CAPN5: variants seen among roughly 807,000 people sequenced by gnomAD.
CAPN5 encodes the protein calpain 5.
In CAPN5, 54 loss-of-function variants were observed where a neutral mutation model predicts 73.0. The observed-to-expected ratio is 0.74, with a 90% CI of 0.59 to 0.93. CAPN5 has a LOEUF of 0.93. CAPN5 is among the 40% of genes least tolerant of loss of function. CAPN5 has a pLI of 0.00. For synonymous variants in CAPN5, 335 were observed against 356.9 expected, an observed-to-expected ratio of 0.94 and a Z score of 0.69; for missense variants, 785 against 882.9, an observed-to-expected ratio of 0.89 and a Z score of 1.41.
intron 3 of CAPN5, among the ~76,000 whole-genome samples, chr11:77,109,707 G>GT (rs1555040465): frequency 6.6e-6 from 1 of 152,210 alleles, no homozygotes; most frequent in African/African-American, 2.4e-5. Flanking sequence ...AGCAGCTGAG[G>GT]GGTGAGAAGG....
intron 1 of CAPN5, among the ~76,000 whole-genome samples, chr11:77,073,983 G>A (rs1555033565): frequency 6.6e-6 from 1 of 152,208 alleles, no homozygotes; most frequent in Admixed American, 6.5e-5. Context: ...TCAGCACACA[G>A]TGCGTCAGAG....
chr11:77,118,015 G>A (rs1190255941), intron 7 of CAPN5, 142 bp from the exon 8 acceptor site: 6 of 676,610 alleles, frequency 8.9e-6, no homozygotes, highest in Non-Finnish European at 1.5e-5. Flanking sequence ...CTGTGCCCTT[G>A]TGTGGGCTTA....
intron 3 of CAPN5, among the ~76,000 whole-genome samples, chr11:77,099,537 G>C (rs1313172108): frequency 6.6e-6 from 1 of 151,548 alleles, no homozygotes; most frequent in African/African-American, 2.4e-5. Flanking sequence ...AGACCGGCCC[G>C]GCCAACACAG....
chr11:77,077,004 T>G (rs1243038973), intron 1 of CAPN5, among the ~76,000 whole-genome samples: 1 of 152,258 alleles, frequency 6.6e-6, no homozygotes, highest in Non-Finnish European at 1.5e-5. Context: ...GGGTTTCCTT[T>G]TCTCCATATC....
At chr11:77,121,008 C>T in intron 10 of CAPN5, 99 bp downstream of exon 10, 2 of 1,110,158 alleles carry the variant, frequency 1.8e-6, no homozygotes, top group Non-Finnish European at 1.3e-6. Context: ...TGTCTCTGGG[C>T]CTCCAGCCAC....
At position 77,112,768 on chromosome 11, in the gene CAPN5, G is replaced by A; in HGVS notation, c.477G>A (p.Trp159Ter). 6.2e-7 allele frequency: 1 copy of A among 1,614,234 alleles called. No homozygotes were observed. The highest frequency in any genetic ancestry group is 8.5e-7 in the Non-Finnish European group (1 of 1,180,042). The change falls in exon 4 of 13, where the codon TGG becomes TGA. Residue 159 changes from tryptophan (W) to a stop codon, truncating the protein, a stop_gained. Coordinates refer to ENST00000648180, the MANE Select transcript of CAPN5 (RefSeq NM_004055.5). LOFTEE classifies it high-confidence loss of function. The stretch of plus-strand genomic sequence containing the variant: ...ACTCCAACTCCCGCAATGAGTTTTG[G>A]TGCGCCCTAGTGGAGAAGGCCTATG... ...YCHSNSRNEF[W>*]CALVEKAYAK...
At chr11:77,103,246 G>T (rs369572640) in intron 3 of CAPN5, 8 of 1,613,546 alleles carry the variant, frequency 5.0e-6, no homozygotes, top group Admixed American at 1.7e-5. Flanking sequence ...GCCAAGATCC[G>T]CAAGGTCATG....
At chr11:77,093,058 C>G (rs990090134) in intron 2 of CAPN5, among the ~76,000 whole-genome samples, 1 of 152,262 alleles carries the variant, frequency 6.6e-6, no homozygotes, top group Non-Finnish European at 1.5e-5. Context: ...TGACAAGTCA[C>G]AGTCCATCTC....
At chr11:77,078,617 G>A (rs1489585084) in intron 1 of CAPN5, among the ~76,000 whole-genome samples, 1 of 152,248 alleles carries the variant, frequency 6.6e-6, no homozygotes, top group South Asian at 2.1e-4. Context: ...TTGGAATTTT[G>A]ATAGGGGATT....
intron 1 of CAPN5, among the ~76,000 whole-genome samples, chr11:77,080,349 T>A (rs1394597492): frequency 7.9e-5 from 12 of 152,210 alleles, no homozygotes; most frequent in African/African-American, 2.7e-4. Flanking sequence ...GCCCTCTTGC[T>A]GCTGGGCTTG....
chr11:77,093,900 T>C (rs1555037085), intron 3 of CAPN5, 87 bp downstream of exon 3: 7 of 1,535,970 alleles, frequency 4.6e-6, no homozygotes, highest in African/African-American at 2.7e-5. Flanking sequence ...AACCTGATTG[T>C]GGCAGATGAG....
chr11:77,106,168 C>A (rs1950345609), intron 3 of CAPN5, among the ~76,000 whole-genome samples: 1 of 152,128 alleles, frequency 6.6e-6, no homozygotes, highest in Non-Finnish European at 1.5e-5. Context: ...GTCACACAGC[C>A]CCTTTCATGC....
At chr11:77,107,313 G>C (rs1950361956) in intron 3 of CAPN5, among the ~76,000 whole-genome samples, 1 of 152,172 alleles carries the variant, frequency 6.6e-6, no homozygotes, top group Non-Finnish European at 1.5e-5. Flanking sequence ...GGTTATACAG[G>C]AAACCTCCCT....
chr11:77,072,770 A>T (rs1555033268), intron 1 of CAPN5, among the ~76,000 whole-genome samples: 6 of 152,166 alleles, frequency 3.9e-5, no homozygotes, highest in Non-Finnish European at 2.9e-5. Context: ...AGTCTTGGAG[A>T]TAGTCTAGGG....
In CAPN5 at chr11:77,118,183, A is replaced by T. The variant is rs1555042066; in HGVS notation, c.998A>T (p.Tyr333Phe). ...ATGACCTTCGAGGACGTGTGCCGGTACTTCACGGACATCATCAAGTGCCGC... is the reference window on the plus strand; with the variant it reads ...ATGACCTTCGAGGACGTGTGCCGGTTCTTCACGGACATCATCAAGTGCCGC... ...FWMTFEDVCR[Y>F]FTDIIKCRVI... is the part of the protein sequence containing the mutation. The change falls in exon 8 of 13, where the codon TAC (tyrosine) becomes TTC (phenylalanine). Residue 333 changes from tyrosine to phenylalanine, a missense_variant. Physicochemically the swap from Tyr to Phe is conservative, Grantham distance 22. Transcript: ENST00000648180. 1 of 1,613,816 alleles carries T rather than the reference A, an allele frequency of 6.2e-7. No homozygotes were observed. Among genetic ancestry groups the T allele is most frequent in the Admixed American group, 1.7e-5 (1 of 59,994 alleles).
chr11:77,096,171 A>T (rs1555037437), intron 3 of CAPN5, among the ~76,000 whole-genome samples: 1 of 151,676 alleles, frequency 6.6e-6, no homozygotes, highest in Non-Finnish European at 1.5e-5. Context: ...CCTGAGCTGC[A>T]CCCCTGCCCT....
At chr11:77,085,361 G>T (rs1001075515) in intron 2 of CAPN5, among the ~76,000 whole-genome samples, 11 of 152,168 alleles carry the variant, frequency 7.2e-5, no homozygotes, top group Admixed American at 5.9e-4. Flanking sequence ...TAAAAATGGG[G>T]TGATGTGGAT....
chr11:77,099,541 A>G (rs1341069679), intron 3 of CAPN5, among the ~76,000 whole-genome samples: 3 of 151,572 alleles, frequency 2.0e-5, no homozygotes, highest in South Asian at 2.1e-4. Context: ...CGGCCCGGCC[A>G]ACACAGCGAA....
chr11:77,083,598 C>T (rs556431416), intron 1 of CAPN5, among the ~76,000 whole-genome samples: 131 of 152,316 alleles, frequency 8.6e-4, no homozygotes, highest in Non-Finnish European at 1.6e-3. Context: ...AGTACACATG[C>T]ACCTCTGGCC....
Sources: allele counts gnomAD v4.1 joint callset (sites outside exome capture counted in the v4.1 genomes callset), GRCh38; gene constraint gnomAD v4.1.1; transcripts MANE v1.5; gene names NCBI Gene and HGNC (gene_info 2026-07-23, HGNC 2026-07-21).